The following VWA3B variants were observed in gnomAD, a reference collection of about 807,000 sequenced individuals.
The protein encoded by VWA3B is von Willebrand factor A domain-containing protein 3B.
A neutral mutation model predicts 158.3 loss-of-function variants in VWA3B; 138 were observed. The observed-to-expected ratio is 0.87, with a 90% CI of 0.76 to 1.00. The LOEUF (loss-of-function observed/expected upper bound fraction) is 1.00, where lower values mean the gene tolerates loss of function less well. VWA3B is among the 50% of genes least tolerant of loss of function. The probability of loss-of-function intolerance (pLI) is 0.00; values close to 1 mark genes in which losing one functional copy is unlikely to be tolerated. For missense variants in VWA3B, 1,555 were observed against 1,565.1 expected, an observed-to-expected ratio of 0.99 and a Z score of 0.11; for synonymous variants, 596 against 587.3, an observed-to-expected ratio of 1.01 and a Z score of -0.21.
chr2:98,230,783 C>T (rs750930623), intron 16 of VWA3B, among the ~76,000 whole-genome samples: 7 of 151,934 alleles, frequency 4.6e-5, no homozygotes, highest in African/African-American at 7.3e-5. Context: ...CAGCATAGCA[C>T]GGGAAGTTCT....
At chr2:98,207,299 A>G (rs1268157778) in intron 12 of VWA3B, 1 of 490,552 alleles carries the variant, frequency 2.0e-6, no homozygotes, top group African/African-American at 1.9e-5. Context: ...GTGCTGCCCC[A>G]TGCTGTCACT....
intron 17 of VWA3B, among the ~76,000 whole-genome samples, chr2:98,235,534 T>C (rs576222876): frequency 6.6e-6 from 1 of 152,162 alleles, no homozygotes; most frequent in African/African-American, 2.4e-5. Context: ...CAAGTAATTC[T>C]CCTGCCTCAG....
At chr2:98,190,909 T>C (rs765973053) in intron 10 of VWA3B, among the ~76,000 whole-genome samples, 44 of 152,172 alleles carry the variant, frequency 2.9e-4, no homozygotes, top group Non-Finnish European at 6.0e-4. Context: ...TAAAACATTG[T>C]GGTCATATTT....
intron 19 of VWA3B, among the ~76,000 whole-genome samples, chr2:98,238,308 T>C (rs1003406467): frequency 4.6e-5 from 7 of 152,184 alleles, no homozygotes; most frequent in African/African-American, 1.7e-4. Flanking sequence ...TTGGCAGATT[T>C]GATTTATACC....
chr2:98,167,728 A>G (rs987196438), intron 8 of VWA3B, among the ~76,000 whole-genome samples: 10 of 152,222 alleles, frequency 6.6e-5, no homozygotes, highest in African/African-American at 2.4e-4. Context: ...TGAGAAGGTT[A>G]TCTGAGTCTG....
At chr2:98,197,782 T>C (rs893072757) in intron 12 of VWA3B, among the ~76,000 whole-genome samples, 3 of 152,068 alleles carry the variant, frequency 2.0e-5, no homozygotes, top group Non-Finnish European at 2.9e-5. Context: ...ATTTCTTGAT[T>C]TTCTGTCACT....
chr2:98,217,784 A>G (rs1684151178), intron 13 of VWA3B, 62 bp from the exon 14 acceptor site: 24 of 1,443,646 alleles, frequency 1.7e-5, no homozygotes, highest in Non-Finnish European at 1.8e-5. Flanking sequence ...GGATTTTCAT[A>G]TTCTTTTCTT....
the VWA3B span, among the ~76,000 whole-genome samples, chr2:98,323,017 A>G: frequency 1.3e-5 from 2 of 152,234 alleles, no homozygotes; most frequent in East Asian, 3.8e-4. Flanking sequence ...TTAAGAACAC[A>G]ACAGAATCCA....
intron 7 of VWA3B, among the ~76,000 whole-genome samples, chr2:98,158,707 T>C (rs1678310705): frequency 1.6e-5 from 1 of 63,108 alleles, no homozygotes; most frequent in Non-Finnish European, 2.8e-5. Flanking sequence ...GCTCACCGTT[T>C]CCTGGGGGTG....
At chr2:98,171,273 G>A (rs1314030453) in intron 8 of VWA3B, among the ~76,000 whole-genome samples, 4 of 152,122 alleles carry the variant, frequency 2.6e-5, no homozygotes, top group Admixed American at 1.3e-4. Flanking sequence ...GTAGAAAATC[G>A]GATGAACACA....
chr2:98,129,290 G>GGA (rs1675658357), intron 6 of VWA3B, among the ~76,000 whole-genome samples: 1 of 148,866 alleles, frequency 6.7e-6, no homozygotes, highest in Non-Finnish European at 1.5e-5. Context: ...AGGAGAGAGA[G>GGA]GAGAGAGAGA....
chr2:98,180,600 G>A (rs1185899638), intron 8 of VWA3B, among the ~76,000 whole-genome samples: 1 of 152,226 alleles, frequency 6.6e-6, no homozygotes, highest in East Asian at 1.9e-4. Flanking sequence ...GAGGTCAAGT[G>A]GAGTGACTCA....
intron 22 of VWA3B, among the ~76,000 whole-genome samples, chr2:98,276,381 C>T (rs997243195): frequency 2.0e-5 from 3 of 152,198 alleles, no homozygotes; most frequent in African/African-American, 7.2e-5. Flanking sequence ...GTGAAAAACG[C>T]ATCAGAGATG....
intron 7 of VWA3B, among the ~76,000 whole-genome samples, chr2:98,150,526 G>A (rs1009706752): frequency 1.3e-5 from 2 of 152,228 alleles, no homozygotes; most frequent in African/African-American, 4.8e-5. Flanking sequence ...CTTGTGCAGA[G>A]GTGGCTCTGA....
intron 14 of VWA3B, among the ~76,000 whole-genome samples, chr2:98,227,311 T>C (rs1213266988): frequency 6.6e-6 from 1 of 152,000 alleles, no homozygotes; most frequent in Non-Finnish European, 1.5e-5. Flanking sequence ...ATAAAGAGAA[T>C]AAAATGCCTA....
At position 98,112,776 on chromosome 2, in the gene VWA3B, C is replaced by T. The variant is rs907786395; in HGVS notation, c.197-2876C>T. On this transcript the variant is annotated intron_variant, in intron 2 of 27. Coordinates refer to ENST00000477737, the MANE Select transcript of VWA3B (RefSeq NM_144992.5). ...TCTCTTTTTCTTCTGAGACTCAAAT[C>T]ATAGTTTGCTAAGCATCTTGATATT... is the stretch of plus-strand genomic sequence containing the variant. Among the ~76,000 whole-genome samples, 16 of 151,880 alleles carry T rather than the reference C, an allele frequency of 1.1e-4. 1 individual carries two copies. Among genetic ancestry groups the T allele is most frequent in the Non-Finnish European group, 1.5e-5 (1 of 67,930 alleles).
chr2:98,313,784 G>C (rs1238771389), downstream of VWA3B, among the ~76,000 whole-genome samples: 1 of 152,176 alleles, frequency 6.6e-6, no homozygotes, highest in Non-Finnish European at 1.5e-5. Flanking sequence ...GGTGGGGTAT[G>C]AGCAGAGACA....
intron 25 of VWA3B, among the ~76,000 whole-genome samples, chr2:98,301,662 G>A (rs920366931): frequency 1.1e-4 from 17 of 152,154 alleles, no homozygotes; most frequent in Admixed American, 9.8e-4. Context: ...CCTCTAGATT[G>A]ATTTGCTCAT....
intron 14 of VWA3B, among the ~76,000 whole-genome samples, chr2:98,220,964 C>A (rs534235447): frequency 6.6e-6 from 1 of 152,142 alleles, no homozygotes; most frequent in African/African-American, 2.4e-5. Flanking sequence ...ACACCTGGGG[C>A]CTGTCGGGGG....
Sources: gnomAD v4.1 joint callset for allele counts (sites outside exome capture counted in the v4.1 genomes callset) on GRCh38, gnomAD v4.1.1 for gene constraint, MANE v1.5 for transcripts, NCBI Gene and HGNC (gene_info 2026-07-23, HGNC 2026-07-21) for gene names.